SFRP1: variants seen among roughly 807,000 people sequenced by gnomAD.
The protein encoded by SFRP1 is secreted frizzled related protein 1.
SFRP1 carries 9 observed loss-of-function variants against 25.9 expected under a neutral mutation model. The ratio of observed to expected loss-of-function variants is 0.35; its 90% CI spans 0.21 to 0.61. SFRP1 has a LOEUF of 0.61. SFRP1 is among the 20% of genes least tolerant of loss of function. The pLI, the probability that SFRP1 is intolerant of heterozygous loss-of-function variation, is 0.78. For missense variants in SFRP1, 346 were observed against 418.2 expected (o/e 0.83, Z 1.51); for synonymous variants, 178 against 174.0 (o/e 1.02, Z -0.18).
At chr8:41,267,802 G>A (rs1803455341) in intron 2 of SFRP1, among the ~76,000 whole-genome samples, 1 of 152,192 alleles carries the variant, frequency 6.6e-6, no homozygotes, top group South Asian at 2.1e-4. Flanking sequence ...CTTTTAATCT[G>A]CATGTTGTCC....
chr8:41,294,500 G>C lies in SFRP1; in HGVS notation c.622+8961C>G, dbSNP rs550200736. ...CTGAATGAGAAAGAACATCATTTAG[G>C]GAAGCTGGTTTCTCGTTTTCTCCCC... On this transcript the variant is annotated intron_variant, in intron 2 of 2. Coordinates refer to ENST00000220772, the MANE Select transcript of SFRP1 (RefSeq NM_003012.5). 9.9e-5 allele frequency among the ~76,000 whole-genome samples: 15 copies of C among 152,176 alleles called. No homozygotes were observed. In the East Asian group the frequency reaches 2.9e-3, roughly 30 times the overall value.
At chr8:41,266,600 TG>T (rs1803438698) in intron 2 of SFRP1, among the ~76,000 whole-genome samples, 1 of 150,992 alleles carries the variant, frequency 6.6e-6, no homozygotes, top group Non-Finnish European at 1.5e-5. Flanking sequence ...CATGCCTGGC[TG>T]ATTTTTTTTT....
chr8:41,300,998 T>C (rs1203234657), intron 2 of SFRP1, among the ~76,000 whole-genome samples: 3 of 152,008 alleles, frequency 2.0e-5, no homozygotes, highest in African/African-American at 7.3e-5. Context: ...GCTGGAGACA[T>C]GAGTGACTAA....
In SFRP1 at chr8:41,264,806, T is replaced by C; in HGVS notation, c.*361A>G. ...ATCCACACCAACAAGTTGCAAAATG[T>C]AGTTTTTGCTGCTGGCTCTCACTTT... On this transcript the variant is annotated 3_prime_UTR_variant, in exon 3 of 3. Coordinates refer to ENST00000220772, the MANE Select transcript of SFRP1 (RefSeq NM_003012.5). 1 of 211,344 alleles carries C rather than the reference T, an allele frequency of 4.7e-6. No individual in the cohort carries two copies. Among genetic ancestry groups the C allele is most frequent in the Non-Finnish European group, 9.4e-6 (1 of 106,322 alleles). The allele number at this position is 211,344 out of a possible 1,614,324, so 13.1% of individuals were successfully genotyped here.
intron 2 of SFRP1, chr8:41,276,818 A>C: frequency 2.6e-6 from 1 of 389,448 alleles, no homozygotes; most frequent in South Asian, 1.8e-5. Context: ...TCTGGACCCC[A>C]GACACCTCAG....
intron 2 of SFRP1, among the ~76,000 whole-genome samples, chr8:41,291,070 C>T (rs550021004): frequency 1.3e-5 from 2 of 151,214 alleles, no homozygotes; most frequent in East Asian, 2.0e-4. Context: ...CCAGGCCCCG[C>T]TATTTTTTTT....
chr8:41,266,196 A>G (rs1294337734), intron 2 of SFRP1, among the ~76,000 whole-genome samples: 1 of 151,992 alleles, frequency 6.6e-6, no homozygotes, highest in Non-Finnish European at 1.5e-5. Context: ...TCAGTTACCC[A>G]TTCTGCCACC....
chr8:41,283,897 T>C (rs563560895), intron 2 of SFRP1, among the ~76,000 whole-genome samples: 10 of 152,084 alleles, frequency 6.6e-5, no homozygotes, highest in Non-Finnish European at 1.5e-4. Context: ...TATTGATGAG[T>C]TGGGCTAACA....
chr8:41,282,494 C>CA (rs1803646013), intron 2 of SFRP1, among the ~76,000 whole-genome samples: 1 of 151,806 alleles, frequency 6.6e-6, no homozygotes, highest in African/African-American at 2.4e-5. Context: ...GCCTGGGTGA[C>CA]AGAGAAAGAC....
At chr8:41,308,538 G>C in intron 1 of SFRP1, 78 bp downstream of exon 1, 1 of 1,208,766 alleles carries the variant, frequency 8.3e-7, no homozygotes, top group Non-Finnish European at 1.1e-6. Context: ...GGCGGGCGTA[G>C]GGTGGCGCGG....
chr8:41,267,125 A>G (rs541708635), intron 2 of SFRP1, among the ~76,000 whole-genome samples: 2 of 152,310 alleles, frequency 1.3e-5, no homozygotes, highest in African/African-American at 4.8e-5. Context: ...TGAAGTCCTA[A>G]TTGATAAATC....
chr8:41,287,690 G>C (rs1475667291), intron 2 of SFRP1, among the ~76,000 whole-genome samples: 1 of 152,180 alleles, frequency 6.6e-6, no homozygotes, highest in Non-Finnish European at 1.5e-5. Flanking sequence ...AATAACCTCT[G>C]AAGTTCTTTT....
At chr8:41,301,045 G>A (rs969040278) in intron 2 of SFRP1, among the ~76,000 whole-genome samples, 1 of 152,192 alleles carries the variant, frequency 6.6e-6, no homozygotes. Flanking sequence ...ACTGCATGCC[G>A]AGAAGGTCAG....
intron 2 of SFRP1, among the ~76,000 whole-genome samples, chr8:41,292,038 C>T (rs530334319): frequency 3.9e-5 from 6 of 152,300 alleles, no homozygotes; most frequent in African/African-American, 1.4e-4. Context: ...AGGCTCACTG[C>T]AGGGCTTCCC....
intron 2 of SFRP1, among the ~76,000 whole-genome samples, chr8:41,269,897 T>A (rs1803482678): frequency 6.6e-6 from 1 of 152,108 alleles, no homozygotes; most frequent in African/African-American, 2.4e-5. Context: ...AGAGAGCGCC[T>A]TCGTCAGGTG....
In SFRP1 at chr8:41,309,163, G is replaced by C. The variant is rs1366729201; in HGVS notation, c.-4C>G. The C allele has an allele frequency of 8.0e-6, 11 of 1,372,168 alleles. No individual in the cohort carries two copies. In the East Asian group the frequency reaches 1.5e-4, roughly 19 times the overall value. The allele number at this position is 1,372,168 out of a possible 1,614,324, so 85.0% of individuals were successfully genotyped here. ...CCTCGCTGCGCCCGATGCCCATGCCGGCTCTGCGCCCTGTTCTCCGCGACG... is the reference window on the plus strand; with the variant it reads ...CCTCGCTGCGCCCGATGCCCATGCCCGCTCTGCGCCCTGTTCTCCGCGACG... On this transcript the variant is annotated 5_prime_UTR_variant, in exon 1 of 3. Coordinates refer to ENST00000220772, the MANE Select transcript of SFRP1 (RefSeq NM_003012.5).
At chr8:41,303,627 G>T in intron 1 of SFRP1, 89 bp from the exon 2 acceptor site, 2 of 975,552 alleles carry the variant, frequency 2.1e-6, no homozygotes, top group Non-Finnish European at 3.3e-6. Flanking sequence ...CTGGGTCCAG[G>T]CTGAAAGTGG....
At chr8:41,306,626 A>G in intron 1 of SFRP1, 1 of 1,426,614 alleles carries the variant, frequency 7.0e-7, no homozygotes. Context: ...CACCAAAACC[A>G]CTGAGGGGAA....
intron 2 of SFRP1, among the ~76,000 whole-genome samples, chr8:41,299,240 T>C (rs1273800546): frequency 6.6e-6 from 1 of 152,052 alleles, no homozygotes; most frequent in South Asian, 2.1e-4. Context: ...TTAGCTCCAT[T>C]TTGTACAGAT....
Sources: allele counts gnomAD v4.1 joint callset (sites outside exome capture counted in the v4.1 genomes callset), GRCh38; gene constraint gnomAD v4.1.1; transcripts MANE v1.5; gene names NCBI Gene and HGNC (gene_info 2026-07-23, HGNC 2026-07-21).